DPYSL5: variants seen among roughly 807,000 people sequenced by gnomAD.
DPYSL5 encodes the protein dihydropyrimidinase like 5.
A neutral mutation model predicts 58.4 loss-of-function variants in DPYSL5; 9 were observed. That is an observed-to-expected ratio of 0.15 (90% confidence interval 0.09 to 0.27). The LOEUF is 0.27. DPYSL5 is among the 10% of genes least tolerant of loss of function. The probability of loss-of-function intolerance (pLI) is 1.00; values close to 1 mark genes in which losing one functional copy is unlikely to be tolerated. For missense variants in DPYSL5, 499 were observed against 770.6 expected, an observed-to-expected ratio of 0.65 and a Z score of 4.17; for synonymous variants, 293 against 301.9, an observed-to-expected ratio of 0.97 and a Z score of 0.31.
chr2:26,884,081 G>A (rs916266773), intron 1 of DPYSL5, among the ~76,000 whole-genome samples: 2 of 152,184 alleles, frequency 1.3e-5, no homozygotes, highest in African/African-American at 2.4e-5. Flanking sequence ...GGAGATGATG[G>A]AATTATTTCT....
At position 26,944,691 on chromosome 2, in the gene DPYSL5, C is replaced by T. The variant is rs2148178899; in HGVS notation, c.1476C>T (p.Tyr492=). The T allele has an allele frequency of 6.2e-7, 1 of 1,614,126 alleles. No homozygotes were observed. Among genetic ancestry groups the T allele is most frequent in the Non-Finnish European group, 8.5e-7 (1 of 1,180,004 alleles). The stretch of plus-strand genomic sequence containing the variant: ...TTAGAGGAGTGGACCGCACTCCCTA[C>T]CTGGGGGATGTCGCTGTTGTCGTGC... ...LKVRGVDRTP[Y]LGDVAVVVHP... is the part of the protein sequence containing the mutation. The change falls in exon 12 of 13, where the codon TAC becomes TAT. Residue 492 remains tyrosine (Y), a synonymous_variant. Transcript: ENST00000288699. The surrounding 1 kb of genome is among the most constrained non-coding windows in gnomAD (Gnocchi z 4.4).
At chr2:26,899,492 C>G (rs1180739095) in intron 2 of DPYSL5, among the ~76,000 whole-genome samples, 1 of 152,202 alleles carries the variant, frequency 6.6e-6, no homozygotes, top group African/African-American at 2.4e-5. Flanking sequence ...CTGGCCTCTC[C>G]CCGGACATCA....
intron 1 of DPYSL5, among the ~76,000 whole-genome samples, chr2:26,873,666 A>T (rs555427174): frequency 6.6e-6 from 1 of 152,224 alleles, no homozygotes. Flanking sequence ...CTGTTTCTGT[A>T]TGGTGCATAA....
chr2:26,902,661 G>A (rs996160755), intron 2 of DPYSL5, among the ~76,000 whole-genome samples: 1 of 152,166 alleles, frequency 6.6e-6, no homozygotes, highest in Non-Finnish European at 1.5e-5. Flanking sequence ...ATCTTAAATA[G>A]GGGCTGGGTA....
chr2:26,853,611 A>G lies in DPYSL5; in HGVS notation c.-5+5357A>G, dbSNP rs150025313. On this transcript the variant is annotated intron_variant, in intron 1 of 12. Transcript: ENST00000288699. Reference sequence around the variant, plus strand: ...GAAAAACAGAAAATCAGTTCTCCAGAAAAACAAAACCAATAGGATTGGTTT... The same window carrying G: ...GAAAAACAGAAAATCAGTTCTCCAGGAAAACAAAACCAATAGGATTGGTTT... 3.7e-3 allele frequency among the ~76,000 whole-genome samples: 569 copies of G among 152,322 alleles called. 1 individual carries two copies. The highest frequency in any genetic ancestry group is 0.013 in the African/African-American group (547 of 41,570).
Position 26,934,141 on chromosome 2 carries a change from G to A in DPYSL5, c.791-437G>A, listed in dbSNP as rs72851875. Among the ~76,000 whole-genome samples the A allele has an allele frequency of 0.013, 1,948 of 152,174 alleles. 53 individuals are homozygous for A. Among genetic ancestry groups the A allele is most frequent in the African/African-American group, 0.043 (1,790 of 41,506 alleles). Reference sequence around the variant, plus strand: ...TCTCCCTGTCCTCCAGCCCTGCTACGGCCCTCCCTGTCCTACCACAACCGT... The same window carrying A: ...TCTCCCTGTCCTCCAGCCCTGCTACAGCCCTCCCTGTCCTACCACAACCGT... On this transcript the variant is annotated intron_variant, in intron 7 of 12. Coordinates refer to ENST00000288699, the MANE Select transcript of DPYSL5 (RefSeq NM_020134.4). The surrounding 1 kb of genome is among the most constrained non-coding windows in gnomAD (Gnocchi z 4.3).
At chr2:26,921,682 T>C (rs1423361457) in intron 2 of DPYSL5, among the ~76,000 whole-genome samples, 1 of 152,192 alleles carries the variant, frequency 6.6e-6, no homozygotes, top group African/African-American at 2.4e-5. Context: ...CAGTGTGTGG[T>C]GTGGGCTTGC....
Position 26,924,781 on chromosome 2 carries a change from G to A in DPYSL5, c.262-106G>A, listed in dbSNP as rs2148157997. ...GCCCTTGGTCCTCACAGCCTCTTGT[G>A]AGGCAGGGCCTGTCTTTGAATGGAC... On this transcript the variant is annotated intron_variant, in intron 2 of 12. Coordinates refer to ENST00000288699, the MANE Select transcript of DPYSL5 (RefSeq NM_020134.4). This position sits in a 1 kb window ranked among gnomAD's most constrained non-coding sequence, Gnocchi z 4.7. 1 of 1,436,142 alleles carries A rather than the reference G, an allele frequency of 7.0e-7. No individual in the cohort carries two copies. Among genetic ancestry groups the A allele is most frequent in the East Asian group, 2.5e-5 (1 of 39,526 alleles). The allele number at this position is 1,436,142 out of a possible 1,614,324, so 89.0% of individuals were successfully genotyped here.
chr2:26,876,989 C>T lies in DPYSL5; in HGVS notation c.-4-21507C>T, dbSNP rs1453487937. On this transcript the variant is annotated intron_variant, in intron 1 of 12. Coordinates refer to ENST00000288699, the MANE Select transcript of DPYSL5 (RefSeq NM_020134.4). ...TTTTTTTTTTTTTTTTTTTTGAGAACGAAGTCTCGCTCTTGTCCCCTGGCT... is the reference window on the plus strand; with the variant it reads ...TTTTTTTTTTTTTTTTTTTTGAGAATGAAGTCTCGCTCTTGTCCCCTGGCT... 3.4e-5 allele frequency among the ~76,000 whole-genome samples: 4 copies of T among 119,300 alleles called. No individual in the cohort carries two copies. The East Asian group carries it at 1.0e-3, about 30-fold the overall frequency. The allele number at this position is 119,300 out of a possible 152,430, so 78.3% of individuals were successfully genotyped here.
intron 2 of DPYSL5, among the ~76,000 whole-genome samples, chr2:26,907,714 C>G (rs1356471263): frequency 1.3e-5 from 2 of 152,208 alleles, no homozygotes; most frequent in African/African-American, 4.8e-5. Context: ...CGAACAGCCT[C>G]TCGTGGCACT....
At chr2:26,940,216 TC>T (rs1457037328) in intron 9 of DPYSL5, 44 bp downstream of exon 9, 2 of 1,603,884 alleles carry the variant, frequency 1.2e-6, no homozygotes, top group Non-Finnish European at 1.7e-6. Context: ...CCTGCTCTAA[TC>T]CCCGTTTCAT....
intron 1 of DPYSL5, among the ~76,000 whole-genome samples, chr2:26,881,529 GGT>G (rs1663561461): frequency 1.3e-5 from 2 of 152,184 alleles, no homozygotes; most frequent in East Asian, 3.9e-4. Context: ...ATTCTGGACT[GGT>G]GTAAAAATGT....
rs4665920 is a variant in DPYSL5, at chr2:26,905,966, G to A, written c.261+7206G>A. On this transcript the variant is annotated intron_variant, in intron 2 of 12. Coordinates refer to ENST00000288699, the MANE Select transcript of DPYSL5 (RefSeq NM_020134.4). The surrounding 1 kb of genome is among the most constrained non-coding windows in gnomAD (Gnocchi z 4.0). ...GAGTCCAGGGTTCTCTGCCAAGCTC[G>A]TGTAGTTGTGGCAGAATTCCATTTC... 0.37 allele frequency among the ~76,000 whole-genome samples: 56,516 copies of A among 151,838 alleles called. 10,973 individuals are homozygous for A. Among genetic ancestry groups the A allele is most frequent in the Admixed American group, 0.53 (8,089 of 15,252 alleles).
rs1424324932 is a variant in DPYSL5, at chr2:26,948,992, A to G, written c.*1997A>G. The G allele has an allele frequency of 6.6e-6, 1 of 152,168 alleles. No individual in the cohort carries two copies. The highest frequency in any genetic ancestry group is 6.5e-5 in the Admixed American group (1 of 15,280). 9.4% of individuals were successfully genotyped at this position (152,168 alleles called of 1,614,324 possible). A position where few individuals can be genotyped will look rare whatever the true frequency, so the allele number is the denominator to read the frequency against. ...ACTTATTATTCTTCCCATTTTACAG[A>G]TGAGGAAACTAAGACCCAGAAAGTT... On this transcript the variant is annotated 3_prime_UTR_variant, in exon 13 of 13. Transcript: ENST00000288699.
intron 1 of DPYSL5, among the ~76,000 whole-genome samples, chr2:26,870,708 CAAAAAAAAA>C (rs576919628): frequency 1.2e-5 from 1 of 80,410 alleles, no homozygotes; most frequent in Non-Finnish European, 2.6e-5. Context: ...GACTCTGTCT[CAAAAAAAAA>C]AAAAAAAAAA....
chr2:26,891,182 C>G (rs530223360), intron 1 of DPYSL5, among the ~76,000 whole-genome samples: 1 of 152,308 alleles, frequency 6.6e-6, no homozygotes, highest in African/African-American at 2.4e-5. Context: ...ATGATGGTAC[C>G]TATCTCCAGG....
At chr2:26,932,097 G>A (rs763889689) in intron 6 of DPYSL5, among the ~76,000 whole-genome samples, 17 of 27,022 alleles carry the variant, frequency 6.3e-4, no homozygotes, top group East Asian at 3.6e-3. Context: ...AAAAAAGAAA[G>A]AGAAAGAAAG....
intron 2 of DPYSL5, among the ~76,000 whole-genome samples, chr2:26,909,040 A>G (rs1664367253): frequency 6.6e-6 from 1 of 152,188 alleles, no homozygotes; most frequent in African/African-American, 2.4e-5. Context: ...TGTTGAAAAT[A>G]AGGGACATAT....
chr2:26,919,847 G>A (rs913608048), intron 2 of DPYSL5, among the ~76,000 whole-genome samples: 18 of 152,180 alleles, frequency 1.2e-4, no homozygotes, highest in Admixed American at 6.5e-5. Context: ...ACTGTGTGAA[G>A]TTGTAAATGT....
Sources: gnomAD v4.1 joint callset for allele counts (sites outside exome capture counted in the v4.1 genomes callset) on GRCh38, gnomAD v4.1.1 for gene constraint, Gnocchi (gnomAD v3.1) non-coding constraint, MANE v1.5 for transcripts, NCBI Gene and HGNC (gene_info 2026-07-23, HGNC 2026-07-21) for gene names.